Variants in CLMP observed in about 807,000 individuals in gnomAD.
CLMP encodes CXADR like cell adhesion molecule.
In CLMP, 27 loss-of-function variants were observed where a neutral mutation model predicts 45.2. The ratio of observed to expected loss-of-function variants is 0.60; its 90% CI spans 0.44 to 0.82. The LOEUF is 0.82. CLMP is among the 40% of genes least tolerant of loss of function. CLMP has a pLI of 0.00. For missense variants in CLMP, 403 were observed against 448.4 expected, an observed-to-expected ratio of 0.90 and a Z score of 0.91; for synonymous variants, 167 against 171.4, an observed-to-expected ratio of 0.97 and a Z score of 0.20.
intron 1 of CLMP, among the ~76,000 whole-genome samples, chr11:123,175,104 C>A (rs1861680837): frequency 6.6e-6 from 1 of 152,120 alleles, no homozygotes; most frequent in African/African-American, 2.4e-5. Context: ...TGGGCCTGCA[C>A]CACCATGCCT....
At position 123,079,021 on chromosome 11, in the gene CLMP, G is replaced by A. The variant is rs566007324; in HGVS notation, c.679+4064C>T. Among the ~76,000 whole-genome samples the A allele has an allele frequency of 1.8e-3, 279 of 151,854 alleles. 1 individual carries two copies. The highest frequency in any genetic ancestry group is 6.3e-3 in the African/African-American group (262 of 41,426). On this transcript the variant is annotated intron_variant, in intron 5 of 6. Transcript: ENST00000448775. ...TCAAACTCCTGACCTCAGGTGATGC[G>A]CCCAGCTTGGCCTCCCAGAGTGCTG...
Position 123,071,653 on chromosome 11 carries a change from G to A in CLMP, c.*1821C>T, listed in dbSNP as rs1865673563. ...GCAGGAGAATCACTTGAACCCAAGA[G>A]GCGGACGCTGCAGTGAGCTGAGATG... is the stretch of plus-strand genomic sequence containing the variant. On this transcript the variant is annotated 3_prime_UTR_variant, in exon 7 of 7. Transcript: ENST00000448775. 1 of 152,150 alleles carries A rather than the reference G, an allele frequency of 6.6e-6. No homozygotes were observed. The highest frequency in any genetic ancestry group is 1.9e-4 in the East Asian group (1 of 5,182). The allele number at this position is 152,150 out of a possible 1,614,324, so 9.4% of individuals were successfully genotyped here.
At chr11:123,152,677 GT>G (rs1565398374) in intron 1 of CLMP, among the ~76,000 whole-genome samples, 1 of 151,946 alleles carries the variant, frequency 6.6e-6, no homozygotes, top group Non-Finnish European at 1.5e-5. Context: ...CATTTCTGTT[GT>G]TTCCGTCACC....
intron 5 of CLMP, among the ~76,000 whole-genome samples, chr11:123,079,367 A>G (rs963764701): frequency 2.6e-5 from 4 of 152,162 alleles, no homozygotes; most frequent in Non-Finnish European, 4.4e-5. Flanking sequence ...CTAGTGGGGA[A>G]AAAAGGATTT....
At chr11:123,101,359 G>C (rs369817134) in intron 1 of CLMP, among the ~76,000 whole-genome samples, 15 of 152,098 alleles carry the variant, frequency 9.9e-5, no homozygotes. Context: ...CGCCTGCCTC[G>C]GCCTCCCAAA....
At chr11:123,150,272 G>C (rs1231876060) in intron 1 of CLMP, among the ~76,000 whole-genome samples, 2 of 150,890 alleles carry the variant, frequency 1.3e-5, no homozygotes, top group Non-Finnish European at 2.9e-5. Flanking sequence ...AGACAGATAG[G>C]CTTGAGAACA....
chr11:123,183,554 A>G (rs1385999131), intron 1 of CLMP, among the ~76,000 whole-genome samples: 3 of 152,118 alleles, frequency 2.0e-5, no homozygotes, highest in Non-Finnish European at 4.4e-5. Context: ...TTGAGTAGCA[A>G]GATACTCTAC....
At chr11:123,177,259 C>T (rs1565404590) in intron 1 of CLMP, among the ~76,000 whole-genome samples, 2 of 152,090 alleles carry the variant, frequency 1.3e-5, no homozygotes, top group African/African-American at 2.4e-5. Flanking sequence ...TCCTTTGATG[C>T]AGTGTGTATT....
rs1349956200 is a variant in CLMP, at chr11:123,150,528, GAAAGAAA to G, written c.28+44378_28+44384del. Reference sequence around the variant, plus strand: ...GGAAGGAAGGAAGGAAGGAAGGAAGGAAAGAAACAAGCAAGGAAGGAAGGAAGGAAGG... The same window carrying G: ...GGAAGGAAGGAAGGAAGGAAGGAAGGCAAGCAAGGAAGGAAGGAAGGAAGG... On this transcript the variant is annotated intron_variant, in intron 1 of 6. Transcript: ENST00000448775. 1.1e-3 allele frequency among the ~76,000 whole-genome samples: 127 copies of G among 120,048 alleles called. 2 individuals are homozygous for G. The highest frequency in any genetic ancestry group is 2.5e-3 in the African/African-American group (72 of 29,292). The allele number at this position is 120,048 out of a possible 152,430, so 78.8% of individuals were successfully genotyped here. A position where few individuals can be genotyped will look rare whatever the true frequency, so the allele number is the denominator to read the frequency against.
rs569681232 is a variant in CLMP at position 123,078,820 on chromosome 11, AT to A, written c.680-3978del. On this transcript the variant is annotated intron_variant, in intron 5 of 6. Coordinates refer to ENST00000448775, the MANE Select transcript of CLMP (RefSeq NM_024769.5). Reference sequence around the variant, plus strand: ...CCACCACGCCCAGCTAATTTTTTGTATTTTTAGTAGAGATGGCGTTTCACCA... The same window carrying A: ...CCACCACGCCCAGCTAATTTTTTGTATTTTAGTAGAGATGGCGTTTCACCA... Among the ~76,000 whole-genome samples the A allele has an allele frequency of 1.3e-3, 191 of 151,730 alleles. 1 individual carries two copies. The highest frequency in any genetic ancestry group is 1.3e-3 in the Non-Finnish European group (87 of 67,900).
In CLMP at chr11:123,073,791, G is replaced by A. The variant is rs1376017608; in HGVS notation, c.822-17C>T. 6.4e-7 allele frequency: 1 copy of A among 1,550,820 alleles called. No individual in the cohort carries two copies. The stretch of plus-strand genomic sequence containing the variant: ...GCATCTTCTCTGAAGAGAAAAAACA[G>A]CAAAGATTAACACTGGCAGATCTGT... On this transcript the variant is annotated splice_polypyrimidine_tract_variant and intron_variant, in intron 6 of 6. Coordinates refer to ENST00000448775, the MANE Select transcript of CLMP (RefSeq NM_024769.5).
chr11:123,080,486 C>T (rs972586326), intron 5 of CLMP, among the ~76,000 whole-genome samples: 1 of 152,122 alleles, frequency 6.6e-6, no homozygotes, highest in African/African-American at 2.4e-5. Flanking sequence ...TGCCACCACG[C>T]CCAGCTAATT....
chr11:123,096,061 TTAAAA>T (rs1446778389), intron 2 of CLMP, among the ~76,000 whole-genome samples: 1 of 152,088 alleles, frequency 6.6e-6, no homozygotes, highest in African/African-American at 2.4e-5. Flanking sequence ...CAAGAAGCTG[TTAAAA>T]TAAACATACT....
At chr11:123,176,746 C>A (rs889171758) in intron 1 of CLMP, among the ~76,000 whole-genome samples, 16 of 152,200 alleles carry the variant, frequency 1.1e-4, no homozygotes, top group Non-Finnish European at 1.9e-4. Context: ...ACAGTGTATG[C>A]ATCTCCCTGG....
At chr11:123,190,762 A>G (rs894059388) in intron 1 of CLMP, among the ~76,000 whole-genome samples, 4 of 152,246 alleles carry the variant, frequency 2.6e-5, no homozygotes, top group African/African-American at 9.6e-5. Flanking sequence ...ACCAATGCCA[A>G]TTATTCAGCA....
At chr11:123,132,193 A>C (rs1347400219) in intron 1 of CLMP, among the ~76,000 whole-genome samples, 2 of 152,322 alleles carry the variant, frequency 1.3e-5, no homozygotes, top group East Asian at 3.9e-4. Flanking sequence ...AGCAAATTGC[A>C]GAAGGATATG....
intron 1 of CLMP, among the ~76,000 whole-genome samples, chr11:123,147,346 T>G (rs980437066): frequency 2.0e-5 from 3 of 152,200 alleles, no homozygotes; most frequent in Non-Finnish European, 4.4e-5. Context: ...TGTCCTTCTC[T>G]TTTATCCTGC....
At chr11:123,129,643 T>C (rs1565391459) in intron 1 of CLMP, among the ~76,000 whole-genome samples, 1 of 140,994 alleles carries the variant, frequency 7.1e-6, no homozygotes, top group Non-Finnish European at 1.5e-5. Flanking sequence ...TATTATATGA[T>C]ATATAGTTCA....
chr11:123,077,801 A>G (rs1435700177), intron 5 of CLMP, among the ~76,000 whole-genome samples: 3 of 152,124 alleles, frequency 2.0e-5, no homozygotes, highest in Non-Finnish European at 4.4e-5. Flanking sequence ...GTCACTTTCA[A>G]TTTTTCACAA....
Sources: gnomAD v4.1 joint callset for allele counts (sites outside exome capture counted in the v4.1 genomes callset) on GRCh38, gnomAD v4.1.1 for gene constraint, MANE v1.5 for transcripts, NCBI Gene and HGNC (gene_info 2026-07-23, HGNC 2026-07-21) for gene names.